Variants in NKAIN2 observed in about 807,000 individuals in gnomAD.
NKAIN2 encodes the protein sodium/potassium transporting ATPase interacting 2.
Under a neutral mutation model 32.6 loss-of-function variants are expected in NKAIN2, and 14 were observed. The ratio of observed to expected loss-of-function variants is 0.43; its 90% CI spans 0.28 to 0.67. The LOEUF is 0.67. Among genes scored for constraint, NKAIN2 ranks in the 30% least tolerant of loss-of-function variants. The pLI, the probability that NKAIN2 is intolerant of heterozygous loss-of-function variation, is 0.17. For synonymous variants in NKAIN2, 80 were observed against 87.2 expected (o/e 0.92, Z 0.46); for missense variants, 198 against 258.3 (o/e 0.77, Z 1.60).
chr6:124,230,733 T>C (rs2758839), intron 1 of NKAIN2, among the ~76,000 whole-genome samples: 87,465 of 152,140 alleles, frequency 0.57, 27,746 homozygotes, highest in South Asian at 0.72. Flanking sequence ...AAGTTAAGAA[T>C]TGGAGTTTGG....
At chr6:124,002,638 G>A (rs1439997472) in intron 1 of NKAIN2, among the ~76,000 whole-genome samples, 1 of 152,020 alleles carries the variant, frequency 6.6e-6, no homozygotes, top group Non-Finnish European at 1.5e-5. Flanking sequence ...TGGAAACCTG[G>A]CCTGGCGATG....
At chr6:123,846,913 C>T (rs1313915014) in intron 1 of NKAIN2, among the ~76,000 whole-genome samples, 1 of 152,100 alleles carries the variant, frequency 6.6e-6, no homozygotes, top group Non-Finnish European at 1.5e-5. Context: ...CACTCTATTC[C>T]AGGCACTGTA....
intron 3 of NKAIN2, among the ~76,000 whole-genome samples, chr6:124,379,008 C>T (rs1282091775): frequency 6.7e-6 from 1 of 148,270 alleles, no homozygotes; most frequent in African/African-American, 2.5e-5. Flanking sequence ...GGGAGGATGA[C>T]CTGGGCCCAG....
intron 1 of NKAIN2, among the ~76,000 whole-genome samples, chr6:123,987,694 A>G (rs953174046): frequency 3.9e-5 from 6 of 152,124 alleles, no homozygotes; most frequent in Admixed American, 3.3e-4. Flanking sequence ...TTTAGAAACA[A>G]CCTGAATTCC....
chr6:124,032,599 G>A (rs1483963544), intron 1 of NKAIN2, among the ~76,000 whole-genome samples: 1 of 151,910 alleles, frequency 6.6e-6, no homozygotes, highest in African/African-American at 2.4e-5. Flanking sequence ...ATTCATATTG[G>A]ACTATTCATT....
intron 3 of NKAIN2, among the ~76,000 whole-genome samples, chr6:124,402,678 A>G (rs532755241): frequency 6.6e-6 from 1 of 152,226 alleles, no homozygotes; most frequent in South Asian, 2.1e-4. Flanking sequence ...GGAGGTCATG[A>G]TCCTAAGCAA....
chr6:124,581,910 A>G (rs906655640), intron 3 of NKAIN2, among the ~76,000 whole-genome samples: 10 of 152,176 alleles, frequency 6.6e-5, no homozygotes, highest in African/African-American at 2.2e-4. Context: ...GCCTACATTT[A>G]AAAAGAAAAT....
At chr6:123,960,355 G>A (rs570894869) in intron 1 of NKAIN2, among the ~76,000 whole-genome samples, 12 of 152,072 alleles carry the variant, frequency 7.9e-5, no homozygotes, top group Non-Finnish European at 1.8e-4. Context: ...GCTTTGTGGA[G>A]GGACCTCTTC....
chr6:124,313,861 C>T (rs1796824269), intron 2 of NKAIN2, among the ~76,000 whole-genome samples: 3 of 152,116 alleles, frequency 2.0e-5, no homozygotes, highest in South Asian at 2.1e-4. Context: ...CTTTTATCTC[C>T]TTCCTCAACT....
chr6:124,218,608 T>C (rs1791612749), intron 1 of NKAIN2, among the ~76,000 whole-genome samples: 1 of 152,150 alleles, frequency 6.6e-6, no homozygotes, highest in South Asian at 2.1e-4. Flanking sequence ...AAAACAACAA[T>C]ATTTTAAAAA....
intron 1 of NKAIN2, among the ~76,000 whole-genome samples, chr6:124,151,019 G>A (rs955624516): frequency 7.9e-5 from 12 of 151,882 alleles, no homozygotes; most frequent in African/African-American, 2.2e-4. Context: ...TGGCATTATT[G>A]AATTGAAACT....
At chr6:124,041,731 AAC>A (rs1781882250) in intron 1 of NKAIN2, among the ~76,000 whole-genome samples, 1 of 152,102 alleles carries the variant, frequency 6.6e-6, no homozygotes, top group African/African-American at 2.4e-5. Context: ...AAGGGAAAAA[AAC>A]AGTTTATGAA....
At chr6:124,261,390 T>C (rs1167056603) in intron 1 of NKAIN2, among the ~76,000 whole-genome samples, 2 of 152,212 alleles carry the variant, frequency 1.3e-5, no homozygotes, top group Non-Finnish European at 2.9e-5. Flanking sequence ...CATTTTGAAT[T>C]ATCAAGGAAT....
rs189972116 is a variant in NKAIN2, at chr6:124,628,018, C to T, written c.274-30168C>T. Reference sequence around the variant, plus strand: ...ATACATACACACGTGTTCACACACACATTCGCATATTCATACATTCACACT... The same window carrying T: ...ATACATACACACGTGTTCACACACATATTCGCATATTCATACATTCACACT... On this transcript the variant is annotated intron_variant, in intron 3 of 6. Coordinates refer to ENST00000368417, the MANE Select transcript of NKAIN2 (RefSeq NM_001040214.3). Among the ~76,000 whole-genome samples, 26 of 152,304 alleles carry T rather than the reference C, an allele frequency of 1.7e-4. 1 individual carries two copies. The East Asian group carries it at 4.2e-3, about 25-fold the overall frequency.
At position 123,950,477 on chromosome 6, in the gene NKAIN2, A is replaced by G. The variant is rs1038329850; in HGVS notation, c.54+146223A>G. 4.1e-4 allele frequency among the ~76,000 whole-genome samples: 62 copies of G among 151,814 alleles called. 2 individuals carry two copies. The highest frequency in any genetic ancestry group is 1.5e-5 in the Non-Finnish European group (1 of 67,804). On this transcript the variant is annotated intron_variant, in intron 1 of 6. Coordinates refer to ENST00000368417, the MANE Select transcript of NKAIN2 (RefSeq NM_001040214.3). ...ATTTTTTATTACTGACAGTCTAATT[A>G]CTCATTTCTCATTATTGATCTACTC... is the stretch of plus-strand genomic sequence containing the variant.
intron 1 of NKAIN2, among the ~76,000 whole-genome samples, chr6:123,910,499 G>GTTTTTTTTTTTTTTT (rs35165515): frequency 1.7e-4 from 14 of 81,316 alleles, no homozygotes; most frequent in African/African-American, 6.5e-4. Context: ...TGCAATGCAT[G>GTTTTTTTTTTTTTTT]TTTTTTTTTT....
chr6:124,001,800 A>AATATATAT (rs10567719), intron 1 of NKAIN2, among the ~76,000 whole-genome samples: 2,078 of 134,926 alleles, frequency 0.015, 39 homozygotes, highest in African/African-American at 0.031. Context: ...CTTAGTTCTA[A>AATATATAT]ATATATATAT....
At chr6:124,562,706 A>T (rs918129591) in intron 3 of NKAIN2, among the ~76,000 whole-genome samples, 3 of 152,100 alleles carry the variant, frequency 2.0e-5, no homozygotes, top group African/African-American at 4.8e-5. Context: ...AAAGCAAAAA[A>T]CTTCCATGGA....
chr6:124,482,272 T>G (rs1223320814), intron 3 of NKAIN2, among the ~76,000 whole-genome samples: 1 of 152,192 alleles, frequency 6.6e-6, no homozygotes, highest in East Asian at 1.9e-4. Context: ...GGTTGGCACC[T>G]TATAATAAAC....
Sources: allele counts gnomAD v4.1 joint callset (sites outside exome capture counted in the v4.1 genomes callset), GRCh38; gene constraint gnomAD v4.1.1; transcripts MANE v1.5; gene names NCBI Gene and HGNC (gene_info 2026-07-23, HGNC 2026-07-21).